Variants in CUX1 observed in about 807,000 individuals in gnomAD.
CUX1 encodes cut like homeobox 1.
A neutral mutation model predicts 158.8 loss-of-function variants in CUX1; 31 were observed. That is an observed-to-expected ratio of 0.20 (90% CI 0.15 to 0.26). CUX1 has a LOEUF of 0.26. Ranked by LOEUF, CUX1 falls within the 10% of genes least tolerant of loss-of-function variation. The probability of loss-of-function intolerance (pLI) is 1.00; values close to 1 mark genes in which losing one functional copy is unlikely to be tolerated. For synonymous variants in CUX1, 879 were observed against 862.1 expected, an observed-to-expected ratio of 1.02 and a Z score of -0.34; for missense variants, 1,589 against 2,014.6, an observed-to-expected ratio of 0.79 and a Z score of 4.04.
rs376970430 is a variant in CUX1 at position 101,998,833 on chromosome 7, C to G, written c.142-29265C>G. Among the ~76,000 whole-genome samples the G allele has an allele frequency of 7.9e-5, 12 of 152,296 alleles. No homozygotes were observed. In the South Asian group the frequency reaches 1.2e-3, roughly 16 times the overall value. ...CGTCAGTGTCCAGCTCTCTCTTCGTCGCTTTCTTAAGTTGAGGGAGCTGCT... is the reference window on the plus strand; with the variant it reads ...CGTCAGTGTCCAGCTCTCTCTTCGTGGCTTTCTTAAGTTGAGGGAGCTGCT... On this transcript the variant is annotated intron_variant, in intron 2 of 23. Transcript: ENST00000292535.
intron 20 of CUX1, among the ~76,000 whole-genome samples, chr7:102,214,584 C>A (rs945494774): frequency 6.6e-6 from 1 of 152,260 alleles, no homozygotes; most frequent in Non-Finnish European, 1.5e-5. Flanking sequence ...GGTCTAAATT[C>A]AGTGAACGTA....
intron 1 of CUX1, among the ~76,000 whole-genome samples, chr7:101,900,465 G>A (rs1043512456): frequency 2.6e-5 from 4 of 152,194 alleles, no homozygotes; most frequent in African/African-American, 7.2e-5. Flanking sequence ...ATGCGGCACC[G>A]AAAATCTTGA....
chr7:102,017,603 C>T lies in CUX1; in HGVS notation c.142-10495C>T, dbSNP rs192990967. On this transcript the variant is annotated intron_variant, in intron 2 of 23. Coordinates refer to ENST00000292535, the MANE Select transcript of CUX1 (RefSeq NM_181552.4). ...GGCTCACGCCTGTAACCCAGCGCTTCGGTAGGCCGAGATGGGTGGATCACC... is the reference window on the plus strand; with the variant it reads ...GGCTCACGCCTGTAACCCAGCGCTTTGGTAGGCCGAGATGGGTGGATCACC... 2.1e-3 allele frequency among the ~76,000 whole-genome samples: 315 copies of T among 152,022 alleles called. 3 individuals carry two copies. The highest frequency in any genetic ancestry group is 7.3e-3 in the African/African-American group (304 of 41,474).
chr7:101,833,443 T>C (rs141207593), intron 1 of CUX1, among the ~76,000 whole-genome samples: 53 of 149,808 alleles, frequency 3.5e-4, no homozygotes, highest in South Asian at 1.3e-3. Flanking sequence ...TGATCCTGGC[T>C]GCTCAGGAGG....
chr7:102,136,544 C>A (rs1833932507), intron 8 of CUX1, among the ~76,000 whole-genome samples: 1 of 152,132 alleles, frequency 6.6e-6, no homozygotes, highest in Non-Finnish European at 1.5e-5. Context: ...GGCACCGCCA[C>A]CACACCCAGC....
At chr7:101,917,448 G>T (rs1299207665) in intron 2 of CUX1, among the ~76,000 whole-genome samples, 1 of 152,166 alleles carries the variant, frequency 6.6e-6, no homozygotes, top group Non-Finnish European at 1.5e-5. Context: ...GCTTGCCTCG[G>T]CTGCCCCTAA....
At chr7:101,921,338 C>T (rs575050660) in intron 2 of CUX1, among the ~76,000 whole-genome samples, 11 of 152,158 alleles carry the variant, frequency 7.2e-5, no homozygotes, top group Admixed American at 2.0e-4. Flanking sequence ...AGCTTATGTT[C>T]GTTATTAGCA....
chr7:102,192,605 A>C (rs1554517293), intron 12 of CUX1, among the ~76,000 whole-genome samples: 1 of 152,128 alleles, frequency 6.6e-6, no homozygotes, highest in African/African-American at 2.4e-5. Context: ...AGATCACCTG[A>C]GGTCAGGAAA....
chr7:102,126,363 A>T (rs939774932), intron 8 of CUX1, among the ~76,000 whole-genome samples: 1 of 152,134 alleles, frequency 6.6e-6, no homozygotes, highest in Non-Finnish European at 1.5e-5. Flanking sequence ...TAAGTACAAA[A>T]GCCATACATG....
intron 9 of CUX1, among the ~76,000 whole-genome samples, chr7:102,166,386 G>T (rs1791036466): frequency 6.6e-6 from 1 of 152,216 alleles, no homozygotes; most frequent in African/African-American, 2.4e-5. Flanking sequence ...GTAGAACGAG[G>T]GCTCCCAGTG....
intron 1 of CUX1, among the ~76,000 whole-genome samples, chr7:101,829,240 T>A (rs1487106424): frequency 1.3e-5 from 2 of 151,992 alleles, no homozygotes; most frequent in Non-Finnish European, 2.9e-5. Context: ...AAAGGAGTAG[T>A]GGAGAGGGAG....
chr7:102,180,273 C>T (rs935894606), intron 11 of CUX1, among the ~76,000 whole-genome samples: 45 of 151,052 alleles, frequency 3.0e-4, no homozygotes, highest in African/African-American at 1.1e-3. Flanking sequence ...TCACCAGCCT[C>T]GGCCTCCCAA....
At chr7:101,898,688 T>A (rs1801812736) in intron 1 of CUX1, among the ~76,000 whole-genome samples, 1 of 151,620 alleles carries the variant, frequency 6.6e-6, no homozygotes, top group African/African-American at 2.4e-5. Flanking sequence ...CCTCCCGGGT[T>A]CAAGTGATTC....
intron 2 of CUX1, among the ~76,000 whole-genome samples, chr7:102,005,179 G>C (rs760246054): frequency 2.6e-5 from 4 of 152,146 alleles, no homozygotes; most frequent in Non-Finnish European, 4.4e-5. Flanking sequence ...CAGAGAACTT[G>C]GCTCTCGATA....
chr7:102,200,153 G>T lies in CUX1; in HGVS notation c.2043G>T (p.Glu681Asp). The T allele has an allele frequency of 1.9e-6, 3 of 1,609,928 alleles. No homozygotes were observed. Among genetic ancestry groups the T allele is most frequent in the Non-Finnish European group, 2.5e-6 (3 of 1,178,622 alleles). ...CCATCCTAGAGCAAGCCAAGAGGGA[G>T]CTCCAAGTGCAGAAAACTGGTACAG... ...IKSILEQAKR[E>D]LQVQKTAEPA... The change falls in exon 17 of 24, where the codon GAG (glutamate) becomes GAT (aspartate). Residue 681 changes from glutamate (E) to aspartate (D), a missense_variant. Physicochemically the swap from Glu to Asp is conservative, Grantham distance 45 (BLOSUM62 2). Transcript: ENST00000292535.
At position 102,239,371 on chromosome 7, in the gene CUX1, C is replaced by A. The variant is rs921772468; in HGVS notation, c.3674C>A (p.Pro1225Gln). 1.2e-6 allele frequency: 2 copies of A among 1,612,506 alleles called. No individual in the cohort carries two copies. Among genetic ancestry groups the A allele is most frequent in the African/African-American group, 2.7e-5 (2 of 74,936 alleles). ...GTCAGTGACAGCCAGCCCTGCGAAC[C>A]GCCCTCTGTCGGCACCGAGTACAGC... The part of the protein sequence containing the change: ...SSVSDSQPCE[P>Q]PSVGTEYSQG... Residue 1225 changes from proline (P) to glutamine (Q), a missense_variant, in exon 23 of 24, where the codon CCG becomes CAG. Transcript: ENST00000292535.
intron 2 of CUX1, among the ~76,000 whole-genome samples, chr7:101,984,089 A>AAAAAAAAAAAAAAAT (rs1221503978): frequency 2.0e-4 from 6 of 29,842 alleles, no homozygotes; most frequent in Non-Finnish European, 4.2e-4. Flanking sequence ...AAAAAAAAAA[A>AAAAAAAAAAAAAAAT]ATATATATAT....
chr7:102,270,102 T>C (rs1791107102), intron 14 of CUX1, among the ~76,000 whole-genome samples: 1 of 152,174 alleles, frequency 6.6e-6, no homozygotes, highest in Non-Finnish European at 1.5e-5. Flanking sequence ...ACTCCAGAGG[T>C]TGAAGAACTT....
At chr7:102,280,713 G>A (rs1001997701) in intron 19 of CUX1, 2 of 1,337,302 alleles carry the variant, frequency 1.5e-6, no homozygotes, top group Non-Finnish European at 2.1e-6. Context: ...CGGGCAGGGT[G>A]TCCTGTGGCT....
Sources: allele counts gnomAD v4.1 joint callset (sites outside exome capture counted in the v4.1 genomes callset), GRCh38; gene constraint gnomAD v4.1.1; transcripts MANE v1.5; gene names NCBI Gene and HGNC (gene_info 2026-07-23, HGNC 2026-07-21).